PCDH15: variants seen among roughly 807,000 people sequenced by gnomAD.
PCDH15 encodes the protein protocadherin-15.
A neutral mutation model predicts 178.5 loss-of-function variants in PCDH15; 129 were observed. That is an observed-to-expected ratio of 0.72 (90% CI 0.63 to 0.84). The LOEUF (loss-of-function observed/expected upper bound fraction) is 0.84. Ranked by LOEUF, PCDH15 falls within the 40% of genes least tolerant of loss-of-function variation. The pLI is 0.00. For synonymous variants in PCDH15, 800 were observed against 732.0 expected (o/e 1.09, Z -1.50); for missense variants, 2,230 against 2,099.9 (o/e 1.06, Z -1.21).
rs183280673 is a variant in PCDH15, at chr10:53,810,494, C to T, written c.4671+62G>A. The T allele has an allele frequency of 9.3e-3, 13,436 of 1,446,588 alleles. 84 individuals carry two copies. Among genetic ancestry groups the T allele is most frequent in the Non-Finnish European group, 0.011 (11,736 of 1,034,364 alleles). 89.6% of individuals were successfully genotyped at this position (1,446,588 alleles called of 1,614,324 possible). On this transcript the variant is annotated intron_variant, in intron 37 of 37. Coordinates refer to ENST00000644397, the MANE Select transcript of PCDH15 (RefSeq NM_001384140.1). ...TGAAATGTTCTACAGCCGCTAGTCA[C>T]GTAGGGTTAAACAATATTTTTCTTG...
At chr10:54,585,148 A>G (rs1344008181) in intron 2 of PCDH15, among the ~76,000 whole-genome samples, 1 of 147,716 alleles carries the variant, frequency 6.8e-6, no homozygotes, top group Non-Finnish European at 1.5e-5. Context: ...TAAAACTGTA[A>G]ATGACCCACA....
At chr10:54,330,976 G>A (rs1939409469) in intron 6 of PCDH15, among the ~76,000 whole-genome samples, 1 of 151,518 alleles carries the variant, frequency 6.6e-6, no homozygotes, top group Admixed American at 6.6e-5. Context: ...GAAGGAAAGA[G>A]AGGGAAAGAA....
At chr10:54,543,559 G>T (rs1219786) in intron 2 of PCDH15, among the ~76,000 whole-genome samples, 132,538 of 152,220 alleles carry the variant, frequency 0.87, 57,979 homozygotes, top group African/African-American at 0.9. Context: ...AAGTGACAAG[G>T]GATGGATGTC....
chr10:54,316,080 C>T (rs61853318), intron 8 of PCDH15, among the ~76,000 whole-genome samples: 31,136 of 151,160 alleles, frequency 0.21, 3,247 homozygotes, highest in Admixed American at 0.23. Context: ...GCTTTTTTGC[C>T]TGCAAAAATA....
intron 26 of PCDH15, among the ~76,000 whole-genome samples, chr10:53,877,478 T>TTAAGTA (rs10657549): frequency 0.64 from 96,274 of 151,468 alleles, 31,275 homozygotes; most frequent in Middle Eastern, 0.78. Flanking sequence ...CTTAAACAGC[T>TTAAGTA]TATCTTTTAC....
At position 54,079,386 on chromosome 10, in the gene PCDH15, T is replaced by C; in HGVS notation, c.2036A>G (p.Glu679Gly). 1 of 1,614,082 alleles carries C rather than the reference T, an allele frequency of 6.2e-7. No homozygotes were observed. The highest frequency in any genetic ancestry group is 8.5e-7 in the Non-Finnish European group (1 of 1,179,966). ...GATCAGAATGTAGCGATCAGTGCTT[T>C]CCCTGTCCAGTGCTTTCCCTAAGGT... Reference protein sequence around the residue: ...ILTLGKALDRESTDRYILIIT... With the variant: ...ILTLGKALDRGSTDRYILIIT... Residue 679 changes from glutamate to glycine, a missense_variant, in exon 17 of 38, where the codon GAA (glutamate) becomes GGA (glycine). Coordinates refer to ENST00000644397, the MANE Select transcript of PCDH15 (RefSeq NM_001384140.1).
At chr10:55,279,483 TG>T (rs1842674806) in intron 1 of PCDH15, among the ~76,000 whole-genome samples, 1 of 152,174 alleles carries the variant, frequency 6.6e-6, no homozygotes, top group Non-Finnish European at 1.5e-5. Context: ...ACATGTCTTC[TG>T]ATTAGGCTGA....
chr10:54,135,495 G>A (rs113978483), intron 14 of PCDH15, among the ~76,000 whole-genome samples: 230 of 152,266 alleles, frequency 1.5e-3, no homozygotes, highest in African/African-American at 5.4e-3. Context: ...CCACTTCCGT[G>A]TTGTGAGAAC....
chr10:54,331,334 A>C (rs1213674117), intron 6 of PCDH15, among the ~76,000 whole-genome samples: 1 of 151,920 alleles, frequency 6.6e-6, no homozygotes, highest in African/African-American at 2.4e-5. Flanking sequence ...TACATTTTGC[A>C]GAATTAATAT....
intron 18 of PCDH15, among the ~76,000 whole-genome samples, chr10:54,035,204 T>A (rs1372069681): frequency 1.3e-5 from 2 of 151,896 alleles, no homozygotes; most frequent in East Asian, 1.9e-4. Flanking sequence ...GAATCTGAGA[T>A]AAAATAGAAG....
intron 3 of PCDH15, among the ~76,000 whole-genome samples, chr10:54,485,658 T>C (rs1427740538): frequency 6.6e-6 from 1 of 151,980 alleles, no homozygotes; most frequent in East Asian, 1.9e-4. Context: ...AATTTCAGCC[T>C]AGTCTAAGCA....
chr10:54,671,200 A>G (rs2094662312), intron 1 of PCDH15, among the ~76,000 whole-genome samples: 1 of 152,178 alleles, frequency 6.6e-6, no homozygotes, highest in South Asian at 2.1e-4. Context: ...CGCATGCATC[A>G]TTTTAAAAAA....
At chr10:54,048,053 C>T (rs774575103) in intron 18 of PCDH15, among the ~76,000 whole-genome samples, 1 of 152,094 alleles carries the variant, frequency 6.6e-6, no homozygotes, top group African/African-American at 2.4e-5. Context: ...CTTTTTTCCA[C>T]ACCTTTGCAA....
intron 2 of PCDH15, among the ~76,000 whole-genome samples, chr10:54,580,301 T>C (rs10128484): frequency 0.95 from 144,748 of 152,130 alleles, 68,987 homozygotes; most frequent in Middle Eastern, 0.98. Flanking sequence ...GCCAAACACA[T>C]GGAAACCGAA....
intron 2 of PCDH15, among the ~76,000 whole-genome samples, chr10:55,080,978 G>A (rs10825457): frequency 0.081 from 12,271 of 152,166 alleles, 580 homozygotes; most frequent in East Asian, 0.22. Context: ...CAGAATCTGT[G>A]CTGCTGCTGC....
chr10:53,972,101 T>C (rs1289251978), intron 21 of PCDH15, among the ~76,000 whole-genome samples: 1 of 152,010 alleles, frequency 6.6e-6, no homozygotes, highest in Non-Finnish European at 1.5e-5. Flanking sequence ...TATAGGCCAA[T>C]GGAACAGAAC....
At chr10:55,599,950 C>T (rs528439225) in intron 2 of PCDH15, 2 of 1,517,848 alleles carry the variant, frequency 1.3e-6, no homozygotes, top group East Asian at 5.0e-5. Context: ...GTGAAATTGA[C>T]CTACCTATGA....
chr10:54,311,735 G>A (rs1371667222), intron 8 of PCDH15, among the ~76,000 whole-genome samples: 1 of 151,916 alleles, frequency 6.6e-6, no homozygotes, highest in African/African-American at 2.4e-5. Flanking sequence ...ATTAATCTTA[G>A]TGTTTGTGAA....
intron 3 of PCDH15, among the ~76,000 whole-genome samples, chr10:54,445,552 A>G (rs963554473): frequency 6.6e-6 from 1 of 151,562 alleles, no homozygotes; most frequent in African/African-American, 2.4e-5. Flanking sequence ...AGCTAATTCA[A>G]TGTATCATAA....
Sources: allele counts gnomAD v4.1 joint callset (sites outside exome capture counted in the v4.1 genomes callset), GRCh38; gene constraint gnomAD v4.1.1; transcripts MANE v1.5; gene names NCBI Gene and HGNC (gene_info 2026-07-23, HGNC 2026-07-21).